Variants in LPIN2 observed in about 807,000 individuals in gnomAD.
LPIN2 encodes phosphatidate phosphatase LPIN2.
Under a neutral mutation model 111.4 loss-of-function variants are expected in LPIN2, and 55 were observed. That is an observed-to-expected ratio of 0.49 (90% CI 0.40 to 0.62). The LOEUF is 0.62. LPIN2 is among the 20% of genes least tolerant of loss of function. LPIN2 has a pLI of 0.00. For missense variants in LPIN2, 992 were observed against 1,112.1 expected (o/e 0.89, Z 1.54); for synonymous variants, 425 against 414.0 (o/e 1.03, Z -0.32).
chr18:2,962,770 G>C (rs1459894123), intron 1 of LPIN2, among the ~76,000 whole-genome samples: 4 of 151,850 alleles, frequency 2.6e-5, no homozygotes, highest in African/African-American at 7.3e-5. Context: ...GTCAATCTTG[G>C]TATTACTGCT....
chr18:2,995,141 G>A (rs963012634), intron 1 of LPIN2, among the ~76,000 whole-genome samples: 8 of 151,852 alleles, frequency 5.3e-5, no homozygotes, highest in South Asian at 4.2e-4. Context: ...CTTAATAAAT[G>A]CTAGTTTTCT....
Position 2,960,471 on chromosome 18 carries a change from T to C in LPIN2, c.192+178A>G, listed in dbSNP as rs2077695513. ...TCAAAGTAACTTCAAAAGCAATACA[T>C]AAAGGTTGACTTCTCGTAACATTGT... is the stretch of plus-strand genomic sequence containing the variant. On this transcript the variant is annotated intron_variant, in intron 2 of 19. Transcript: ENST00000677752. 3 of 662,166 alleles carry C rather than the reference T, an allele frequency of 4.5e-6. No individual in the cohort carries two copies. In the East Asian group the frequency reaches 8.2e-5, roughly 18 times the overall value. 41.0% of individuals were successfully genotyped at this position (662,166 alleles called of 1,614,324 possible). A position where few individuals can be genotyped will look rare whatever the true frequency, so the allele number is the denominator to read the frequency against.
intron 1 of LPIN2, among the ~76,000 whole-genome samples, chr18:3,002,881 G>A (rs1049150971): frequency 1.3e-5 from 2 of 152,188 alleles, no homozygotes; most frequent in African/African-American, 4.8e-5. Flanking sequence ...GCTTTACGCA[G>A]AAGCAGACCT....
intron 1 of LPIN2, among the ~76,000 whole-genome samples, chr18:3,005,676 T>TACACACACACACACAC (rs34050872): frequency 2.3e-4 from 34 of 147,026 alleles, no homozygotes; most frequent in Admixed American, 1.2e-3. Context: ...GACACTATCT[T>TACACACACACACACAC]ACACACACAC....
rs201325845 is a variant in LPIN2, at chr18:2,929,126, C to T, written c.1489G>A (p.Glu497Lys). 1.6e-4 allele frequency: 254 copies of T among 1,607,744 alleles called. 1 individual carries two copies. The South Asian group carries it at 2.5e-3, about 16-fold the overall frequency. ...ATAAGTCCAGGGTTTTCTGCAAATTCGTGATAAGTAATGATATGCTCCATG... is the reference window on the plus strand; with the variant it reads ...ATAAGTCCAGGGTTTTCTGCAAATTTGTGATAAGTAATGATATGCTCCATG... ...KFMEHIITYH[E>K]FAENPGLIDN... The change falls in exon 10 of 20, where the codon GAA becomes AAA. Residue 497 changes from glutamate to lysine, a missense_variant. Physicochemically the swap from Glu to Lys is moderately conservative, Grantham distance 56. Transcript: ENST00000677752.
chr18:2,960,216 G>T (rs2143197431), intron 2 of LPIN2, among the ~76,000 whole-genome samples: 1 of 147,222 alleles, frequency 6.8e-6, no homozygotes, highest in African/African-American at 2.5e-5. Context: ...GTGTGTGTGT[G>T]TGTTCTTGAT....
intron 18 of LPIN2, chr18:2,921,104 G>A (rs1260012967): frequency 3.3e-6 from 2 of 606,890 alleles, no homozygotes; most frequent in Non-Finnish European, 5.9e-6. Context: ...GGAAGCCAGG[G>A]TCCCTGGCGC....
intron 10 of LPIN2, 31 bp downstream of exon 10, chr18:2,929,034 A>C: frequency 7.4e-7 from 1 of 1,356,676 alleles, no homozygotes; most frequent in Non-Finnish European, 1.1e-6. Context: ...CTGCAAGAGT[A>C]TTTAACAATT....
At chr18:2,945,417 C>T in intron 4 of LPIN2, 1 of 618,210 alleles carries the variant, frequency 1.6e-6, no homozygotes, top group Non-Finnish European at 2.9e-6. Context: ...CTTTTAAGAA[C>T]CTAATGTTAA....
chr18:2,986,093 C>T (rs923362469), intron 1 of LPIN2, among the ~76,000 whole-genome samples: 1 of 152,210 alleles, frequency 6.6e-6, no homozygotes, highest in African/African-American at 2.4e-5. Context: ...ACCATCTACA[C>T]CAAAGCATAT....
intron 6 of LPIN2, 135 bp downstream of exon 6, chr18:2,939,339 ATTTACT>A: frequency 1.0e-6 from 1 of 981,496 alleles, no homozygotes. Context: ...TTAACTTTGA[ATTTACT>A]TTTATGACAT....
At chr18:2,969,733 A>T (rs1327848384) in intron 1 of LPIN2, among the ~76,000 whole-genome samples, 5 of 152,230 alleles carry the variant, frequency 3.3e-5, no homozygotes, top group Non-Finnish European at 5.9e-5. Context: ...ACCCCAACCC[A>T]GACCTACTAC....
In LPIN2 at chr18:2,977,542, G is replaced by A. The variant is rs369334653; in HGVS notation, c.-9-16693C>T. Reference sequence around the variant, plus strand: ...AGTGGTTGATTCATTCCATGGCTGTGGGCAGGAAAATACAAGATAATGCTG... The same window carrying A: ...AGTGGTTGATTCATTCCATGGCTGTAGGCAGGAAAATACAAGATAATGCTG... On this transcript the variant is annotated intron_variant, in intron 1 of 19. Transcript: ENST00000677752. Among the ~76,000 whole-genome samples, 5 of 152,140 alleles carry A rather than the reference G, an allele frequency of 3.3e-5. No individual in the cohort carries two copies. In the East Asian group the frequency reaches 9.6e-4, roughly 29 times the overall value.
Position 2,954,740 on chromosome 18 carries a change from T to G in LPIN2, c.193-141A>C, listed in dbSNP as rs905952926. On this transcript the variant is annotated intron_variant, in intron 2 of 19. Transcript: ENST00000677752. ...TACAGCCTCTGAGAAACACTGCTAC[T>G]TGCCCCTACCCAACCCCTAAGAAGC... is the stretch of plus-strand genomic sequence containing the variant. The G allele has an allele frequency of 1.1e-5, 8 of 710,440 alleles. No homozygotes were observed. The African/African-American group carries it at 1.2e-4, about 11-fold the overall frequency. 44.0% of individuals were successfully genotyped at this position (710,440 alleles called of 1,614,324 possible).
intron 13 of LPIN2, among the ~76,000 whole-genome samples, chr18:2,926,345 A>G (rs1298740255): frequency 2.0e-5 from 3 of 152,182 alleles, no homozygotes; most frequent in Non-Finnish European, 2.9e-5. Context: ...CTAACTGTCC[A>G]AAGAATGCTG....
At chr18:2,994,468 ATTTATAGCTTTAAAAAAATTT>A (rs965589984) in intron 1 of LPIN2, among the ~76,000 whole-genome samples, 2 of 152,190 alleles carry the variant, frequency 1.3e-5, no homozygotes, top group African/African-American at 4.8e-5. Context: ...TGGTGACTGG[ATTTATAGCTTTAAAAAAATTT>A]TTTAATGATA....
intron 1 of LPIN2, among the ~76,000 whole-genome samples, chr18:2,997,878 T>C (rs1439335376): frequency 6.6e-6 from 1 of 152,204 alleles, no homozygotes; most frequent in African/African-American, 2.4e-5. Flanking sequence ...GTCTGCTAGA[T>C]CGGTAAGCAT....
intron 1 of LPIN2, among the ~76,000 whole-genome samples, chr18:2,981,110 A>T (rs2078103859): frequency 6.6e-6 from 1 of 152,186 alleles, no homozygotes; most frequent in Non-Finnish European, 1.5e-5. Context: ...TATATTCCCA[A>T]ATCACAAAAC....
At chr18:2,944,542 G>A (rs1364563335) in intron 4 of LPIN2, among the ~76,000 whole-genome samples, 1 of 151,468 alleles carries the variant, frequency 6.6e-6, no homozygotes, top group Non-Finnish European at 1.5e-5. Flanking sequence ...AGTAGAGACG[G>A]GGTTTCACCG....
Sources: allele counts gnomAD v4.1 joint callset (sites outside exome capture counted in the v4.1 genomes callset), GRCh38; gene constraint gnomAD v4.1.1; transcripts MANE v1.5; gene names NCBI Gene and HGNC (gene_info 2026-07-23, HGNC 2026-07-21).